Variants in AGAP3 observed in about 807,000 individuals in gnomAD.
AGAP3 encodes the protein ArfGAP with GTPase domain, ankyrin repeat and PH domain 3.
AGAP3 carries 24 observed loss-of-function variants against 96.9 expected under a neutral mutation model. The observed-to-expected ratio is 0.25, with a 90% CI of 0.18 to 0.35. AGAP3 has a LOEUF of 0.35. Ranked by LOEUF, AGAP3 falls within the 10% of genes least tolerant of loss-of-function variation. AGAP3 has a pLI of 1.00. For missense variants in AGAP3, 876 were observed against 1,254.2 expected (o/e 0.70, Z 4.55); for synonymous variants, 563 against 536.1 (o/e 1.05, Z -0.69).
At chr7:151,089,429 T>C (rs942136439) in intron 1 of AGAP3, among the ~76,000 whole-genome samples, 1 of 151,952 alleles carries the variant, frequency 6.6e-6, no homozygotes, top group African/African-American at 2.4e-5. Flanking sequence ...CCGGGTCCTG[T>C]GTTTCCTGGG....
chr7:151,113,723 TG>T (rs1563461200), intron 1 of AGAP3, among the ~76,000 whole-genome samples: 1 of 152,358 alleles, frequency 6.6e-6, no homozygotes, highest in South Asian at 2.1e-4. Flanking sequence ...GGAAACTGGC[TG>T]GGCTTCAGAG....
rs139048570 is a variant in AGAP3, at chr7:151,134,793, G to T, written c.1495+225G>T. Among the ~76,000 whole-genome samples the T allele has an allele frequency of 7.4e-3, 1,124 of 152,298 alleles. 13 individuals carry two copies. The highest frequency in any genetic ancestry group is 0.026 in the African/African-American group (1,083 of 41,568). The stretch of plus-strand genomic sequence containing the variant: ...GCAGTTGATCTGGATGTCAGATGGG[G>T]CCAAGTAGTGTCATGTTTGGGCAGT... On this transcript the variant is annotated intron_variant, in intron 11 of 17. Transcript: ENST00000397238.
intron 12 of AGAP3, among the ~76,000 whole-genome samples, chr7:151,138,644 G>A (rs530228565): frequency 1.3e-5 from 2 of 152,312 alleles, no homozygotes; most frequent in African/African-American, 2.4e-5. Context: ...GTCCCCAGGC[G>A]GCGCTGGTGG....
intron 3 of AGAP3, 77 bp downstream of exon 3, chr7:151,117,259 G>A: frequency 6.3e-7 from 1 of 1,583,326 alleles, no homozygotes; most frequent in Admixed American, 1.7e-5. Context: ...TGGGTGGGGG[G>A]TCTCCAGCCC....
intron 12 of AGAP3, among the ~76,000 whole-genome samples, chr7:151,138,985 C>G (rs1434357576): frequency 6.6e-6 from 1 of 152,232 alleles, no homozygotes; most frequent in Non-Finnish European, 1.5e-5. Flanking sequence ...CTCTTTCTCT[C>G]TCTGCTTTTC....
Position 151,144,142 on chromosome 7 carries a change from T to TGG in AGAP3, c.*199_*200insGG. On this transcript the variant is annotated 3_prime_UTR_variant, in exon 18 of 18. Coordinates refer to ENST00000397238, the MANE Select transcript of AGAP3 (RefSeq NM_031946.7). ...CTGCAGCAGAGAGGGATGAGGGATT[T>TGG]AGCCCTCTGCCCTAAGGTGCCATTG... 3 of 645,250 alleles carry TGG rather than the reference T, an allele frequency of 4.6e-6. No homozygotes were observed. Among genetic ancestry groups the TGG allele is most frequent in the Non-Finnish European group, 7.9e-6 (3 of 379,264 alleles). 40.0% of individuals were successfully genotyped at this position (645,250 alleles called of 1,614,324 possible).
chr7:151,120,908 A>C, intron 8 of AGAP3: 1 of 1,028,082 alleles, frequency 9.7e-7, no homozygotes, highest in Non-Finnish European at 1.2e-6. Flanking sequence ...TGCCCATCCA[A>C]ACCCTAATCC....
At chr7:151,101,951 G>C (rs1457462889) in intron 1 of AGAP3, among the ~76,000 whole-genome samples, 2 of 152,156 alleles carry the variant, frequency 1.3e-5, no homozygotes, top group Non-Finnish European at 2.9e-5. Context: ...TCTGAACCTG[G>C]GGGCAGTGGT....
At position 151,138,186 on chromosome 7, in the gene AGAP3, C is replaced by A. The variant is rs987789711; in HGVS notation, c.1539C>A (p.Arg513=). The change falls in exon 12 of 18, where the codon CGC becomes CGA. Residue 513 remains arginine (R), a synonymous_variant. Coordinates refer to ENST00000397238, the MANE Select transcript of AGAP3 (RefSeq NM_031946.7). ...GCAGCGCATCCCTGCACTCTGAGCG[C>A]CCCCTCAGCAGCTCGGCCTGGGCTG... ...SASSASLHSE[R]PLSSSAWAGP... The A allele has an allele frequency of 1.9e-6, 3 of 1,609,492 alleles. No individual in the cohort carries two copies. Among genetic ancestry groups the A allele is most frequent in the Admixed American group, 3.3e-5 (2 of 59,718 alleles).
rs201733562 is a variant in AGAP3 at position 151,118,614 on chromosome 7, G to C, written c.951G>C (p.Pro317=). The C allele has an allele frequency of 3.1e-6, 5 of 1,613,318 alleles. No individual in the cohort carries two copies. The African/African-American group carries it at 6.7e-5, about 22-fold the overall frequency. The part of the protein sequence containing the change: ...SHSAVSAASI[P]AVHINQATNG... ...CGGCCGTGTCCGCCGCCTCCATCCCGGCCGTGCACATCAACCAGGTTCGGC... is the reference window on the plus strand; with the variant it reads ...CGGCCGTGTCCGCCGCCTCCATCCCCGCCGTGCACATCAACCAGGTTCGGC... The change falls in exon 7 of 18, where the codon CCG becomes CCC. Residue 317 remains proline (P), a synonymous_variant. Coordinates refer to ENST00000397238, the MANE Select transcript of AGAP3 (RefSeq NM_031946.7). The surrounding 1 kb of genome is among the most constrained non-coding windows in gnomAD (Gnocchi z 6.1).
Position 151,114,603 on chromosome 7 carries a change from T to C in AGAP3, c.332-2190T>C. The C allele has an allele frequency of 1.7e-6, 1 of 597,976 alleles. No homozygotes were observed. Among genetic ancestry groups the C allele is most frequent in the East Asian group, 1.4e-4 (1 of 7,294 alleles). The allele number at this position is 597,976 out of a possible 1,614,324, so 37.0% of individuals were successfully genotyped here. ...CTCCGGGCTGGGCTGACTCCCGGCCTCTCCAGGTCTGGGCTTGCCGGCCGC... is the reference window on the plus strand; with the variant it reads ...CTCCGGGCTGGGCTGACTCCCGGCCCCTCCAGGTCTGGGCTTGCCGGCCGC... On this transcript the variant is annotated intron_variant, in intron 1 of 17. Coordinates refer to ENST00000397238, the MANE Select transcript of AGAP3 (RefSeq NM_031946.7). The surrounding 1 kb of genome is among the most constrained non-coding windows in gnomAD (Gnocchi z 4.4).
At chr7:151,128,546 G>A (rs1408567049) in intron 9 of AGAP3, 34 bp from the exon 10 acceptor site, 17 of 1,593,958 alleles carry the variant, frequency 1.1e-5, no homozygotes, top group Non-Finnish European at 1.5e-5. Context: ...CTAGGGGGCT[G>A]GCTCCTGGTT....
In AGAP3 at chr7:151,141,866, G is replaced by A; in HGVS notation, c.1805-32G>A. On this transcript the variant is annotated intron_variant, in intron 13 of 17. Transcript: ENST00000397238. The surrounding 1 kb of genome is among the most constrained non-coding windows in gnomAD (Gnocchi z 4.2). Reference sequence around the variant, plus strand: ...TGCCCTGGGTGTGCACGCAGGCCAGGAGCCCTGATGGCATAAACACCCCCC... The same window carrying A: ...TGCCCTGGGTGTGCACGCAGGCCAGAAGCCCTGATGGCATAAACACCCCCC... The A allele has an allele frequency of 1.2e-6, 2 of 1,614,128 alleles. No individual in the cohort carries two copies. The highest frequency in any genetic ancestry group is 1.7e-6 in the Non-Finnish European group (2 of 1,179,992).
Position 151,131,522 on chromosome 7 carries a change from C to T in AGAP3, c.1326+2838C>T, listed in dbSNP as rs573488014. ...GCCACCATGCTCCCCGTTCTGCTGA[C>T]GGAGGGAAACGCTGCTGCCTGTCTG... On this transcript the variant is annotated intron_variant, in intron 10 of 17. Transcript: ENST00000397238. 7.9e-5 allele frequency among the ~76,000 whole-genome samples: 12 copies of T among 152,302 alleles called. No individual in the cohort carries two copies. In the East Asian group the frequency reaches 1.5e-3, roughly 20 times the overall value.
chr7:151,117,292 G>C (rs531959484), intron 3 of AGAP3, 79 bp from the exon 4 acceptor site: 3 of 1,596,908 alleles, frequency 1.9e-6, no homozygotes, highest in South Asian at 1.1e-5. Context: ...CTTCCCTCCC[G>C]CATGGGAAGC....
chr7:151,125,652 C>G (rs1283257332), intron 9 of AGAP3, among the ~76,000 whole-genome samples: 1 of 152,138 alleles, frequency 6.6e-6, no homozygotes, highest in Non-Finnish European at 1.5e-5. Flanking sequence ...ATTCCTGGCG[C>G]TTCCCCGCTG....
chr7:151,131,455 T>TA (rs1737734548), intron 10 of AGAP3, among the ~76,000 whole-genome samples: 2 of 152,058 alleles, frequency 1.3e-5, no homozygotes, highest in African/African-American at 4.8e-5. Flanking sequence ...TGGTGGGTAA[T>TA]AAAGGCAGCC....
chr7:151,103,980 C>T (rs1225782727), intron 1 of AGAP3, among the ~76,000 whole-genome samples: 1 of 152,146 alleles, frequency 6.6e-6, no homozygotes, highest in Non-Finnish European at 1.5e-5. Flanking sequence ...GGTTCCTCCA[C>T]GGGACCACAG....
rs963760768 is a variant in AGAP3, at chr7:151,142,095, G to A, written c.1959+43G>A. The A allele has an allele frequency of 1.2e-6, 2 of 1,607,710 alleles. No homozygotes were observed. The highest frequency in any genetic ancestry group is 1.3e-5 in the African/African-American group (1 of 74,816). ...GGGCCCACACAGAGCACCTGGCTGGGGTGGGACTGAAAGGGGCCTCATGAC... is the reference window on the plus strand; with the variant it reads ...GGGCCCACACAGAGCACCTGGCTGGAGTGGGACTGAAAGGGGCCTCATGAC... On this transcript the variant is annotated intron_variant, in intron 14 of 17. Coordinates refer to ENST00000397238, the MANE Select transcript of AGAP3 (RefSeq NM_031946.7). The surrounding 1 kb of genome is among the most constrained non-coding windows in gnomAD (Gnocchi z 7.5).
Sources: allele counts gnomAD v4.1 joint callset (sites outside exome capture counted in the v4.1 genomes callset), GRCh38; gene constraint gnomAD v4.1.1; non-coding constraint Gnocchi (gnomAD v3.1); transcripts MANE v1.5; gene names NCBI Gene and HGNC (gene_info 2026-07-23, HGNC 2026-07-21).